The following TPTE2 variants were observed in gnomAD, a reference collection of about 807,000 sequenced individuals.
TPTE2 encodes the protein transmembrane phosphoinositide 3-phosphatase and tensin homolog 2, also known as phosphatidylinositol 3,4,5-trisphosphate 3-phosphatase TPTE2.
Under a neutral mutation model 78.6 loss-of-function variants are expected in TPTE2, and 53 were observed. The ratio of observed to expected loss-of-function variants is 0.67; its 90% CI spans 0.54 to 0.85. The LOEUF is 0.85. Among genes scored for constraint, TPTE2 ranks in the 40% least tolerant of loss-of-function variants. The pLI, the probability that TPTE2 is intolerant of heterozygous loss-of-function variation, is 0.00. For synonymous variants in TPTE2, 175 were observed against 206.2 expected (o/e 0.85, Z 1.30); for missense variants, 461 against 623.0 (o/e 0.74, Z 2.77).
intron 6 of TPTE2, among the ~76,000 whole-genome samples, chr13:19,468,705 A>G (rs1879436746): frequency 6.6e-6 from 1 of 152,178 alleles, no homozygotes; most frequent in Non-Finnish European, 1.5e-5. Flanking sequence ...GATATAAACC[A>G]TTTTAGCTGG....
At chr13:19,558,001 A>G in the TPTE2 span, among the ~76,000 whole-genome samples, 3 of 152,232 alleles carry the variant, frequency 2.0e-5, no homozygotes, top group African/African-American at 7.2e-5. Context: ...GTAAAATGTC[A>G]GATTTTTAAG....
chr13:19,468,154 C>T (rs941551510), intron 6 of TPTE2, among the ~76,000 whole-genome samples: 2 of 148,322 alleles, frequency 1.3e-5, no homozygotes, highest in Non-Finnish European at 3.0e-5. Context: ...GATTCTCCTG[C>T]CTCAGCCTCA....
intron 1 of TPTE2, among the ~76,000 whole-genome samples, chr13:19,519,974 C>T (rs1033398548): frequency 6.7e-6 from 1 of 149,094 alleles, no homozygotes; most frequent in Non-Finnish European, 1.5e-5. Flanking sequence ...TCTTACATTT[C>T]TTTTGTTTTG....
At chr13:19,490,554 A>T (rs1880933969) in intron 3 of TPTE2, among the ~76,000 whole-genome samples, 1 of 152,194 alleles carries the variant, frequency 6.6e-6, no homozygotes, top group Non-Finnish European at 1.5e-5. Context: ...GTTTCTGGCA[A>T]AATTTACATA....
rs201169059 is a variant in TPTE2 at position 19,467,251 on chromosome 13, G to A, written c.486C>T (p.Asp162=). The A allele has an allele frequency of 1.9e-6, 3 of 1,589,218 alleles. No individual in the cohort carries two copies. The Admixed American group carries it at 5.7e-5, about 30-fold the overall frequency. ...TGGGAATATTCCTAAGCAACTTAAT[G>A]TCAAAAAAAATGTAAATGACATCAA... The change falls in exon 7 of 20, where the codon GAC becomes GAT. Residue 162 remains aspartate (D), a synonymous_variant. Transcript: ENST00000400230.
chr13:19,499,243 G>C lies in TPTE2; in HGVS notation c.11+3981C>G, dbSNP rs564600320. Among the ~76,000 whole-genome samples the C allele has an allele frequency of 6.6e-5, 10 of 152,174 alleles. No individual in the cohort carries two copies. In the South Asian group the frequency reaches 2.1e-3, roughly 32 times the overall value. ...CTGTCAACATTAGACAGATCAACGA[G>C]ACAGAAAGTCAACAACGATACCCAG... On this transcript the variant is annotated intron_variant, in intron 1 of 19. Coordinates refer to ENST00000400230, the Ensembl canonical transcript of TPTE2.
chr13:19,503,147 T>C, intron 1 of TPTE2, 77 bp downstream of exon 4: 1 of 1,599,546 alleles, frequency 6.3e-7, no homozygotes, highest in Non-Finnish European at 8.6e-7. Context: ...ATATATTTGT[T>C]TATGTGCCTG....
chr13:19,465,153 T>A, intron 9 of TPTE2, 102 bp downstream of exon 12: 3 of 1,433,278 alleles, frequency 2.1e-6, no homozygotes, highest in Non-Finnish European at 2.9e-6. Flanking sequence ...TTCTCAAGAA[T>A]AAAGAATATT....
upstream of TPTE2, among the ~76,000 whole-genome samples, chr13:19,538,202 C>A (rs1378079935): frequency 6.6e-6 from 1 of 152,048 alleles, no homozygotes; most frequent in African/African-American, 2.4e-5. Context: ...TAAAGATATT[C>A]TCCTGTATTT....
chr13:19,464,775 G>T (rs1401201847), intron 9 of TPTE2, among the ~76,000 whole-genome samples: 1 of 152,208 alleles, frequency 6.6e-6, no homozygotes, highest in African/African-American at 2.4e-5. Context: ...GATGGCCTCA[G>T]TCTGAAGTTC....
chr13:19,528,387 CA>C (rs757445665), intron 1 of TPTE2, among the ~76,000 whole-genome samples: 9,084 of 108,960 alleles, frequency 0.083, 458 homozygotes, highest in African/African-American at 0.18. Flanking sequence ...AACTCCATCT[CA>C]AAAAAAAAAA....
intron 13 of TPTE2, among the ~76,000 whole-genome samples, chr13:19,444,384 A>C (rs1202021983): frequency 6.6e-6 from 1 of 150,626 alleles, no homozygotes; most frequent in Admixed American, 6.6e-5. Context: ...GCTAATTGCA[A>C]GATTAATAAA....
intron 10 of TPTE2, among the ~76,000 whole-genome samples, chr13:19,456,442 A>G (rs1437820446): frequency 2.6e-5 from 4 of 152,226 alleles, no homozygotes; most frequent in African/African-American, 9.6e-5. Flanking sequence ...GTGGTGACAG[A>G]GCAAGGCCCT....
chr13:19,470,414 T>C (rs1178978192), intron 6 of TPTE2, among the ~76,000 whole-genome samples: 1 of 152,242 alleles, frequency 6.6e-6, no homozygotes, highest in Admixed American at 6.5e-5. Flanking sequence ...CCATATATTG[T>C]TGAATTCAGT....
chr13:19,475,288 C>T (rs181564926), intron 5 of TPTE2, among the ~76,000 whole-genome samples: 75 of 151,496 alleles, frequency 5.0e-4, no homozygotes, highest in Admixed American at 1.4e-3. Flanking sequence ...TGCAATGGTG[C>T]AATTTCAGCT....
At position 19,535,754 on chromosome 13, in the gene TPTE2, C is replaced by G. The variant is rs7992945; in HGVS notation, c.-44+842G>C. 0.74 allele frequency among the ~76,000 whole-genome samples: 112,296 copies of G among 151,912 alleles called. 44,078 individuals carry two copies. The highest frequency in any genetic ancestry group is 0.96 in the East Asian group (4,974 of 5,162). ...TCAAGTGATTCTCCTGCCTCAGCCT[C>G]CCAAGTAGCTGGGACTACATACAGG... On this transcript the variant is annotated intron_variant, in intron 1 of 17. Transcript: ENST00000390680. The surrounding 1 kb of genome is among the most constrained non-coding windows in gnomAD (Gnocchi z 5.1).
intron 6 of TPTE2, among the ~76,000 whole-genome samples, chr13:19,467,917 C>A (rs1465673306): frequency 1.3e-5 from 2 of 149,766 alleles, no homozygotes; most frequent in Non-Finnish European, 3.0e-5. Context: ...TTTAGAGCCC[C>A]ATAATAAGTG....
the TPTE2 span, among the ~76,000 whole-genome samples, chr13:19,557,527 G>A: frequency 2.0e-5 from 3 of 152,298 alleles, no homozygotes; most frequent in Non-Finnish European, 4.4e-5. Context: ...GCTTAGAGAC[G>A]GGAGGCAGGG....
At chr13:19,462,754 A>G (rs931121057) in intron 10 of TPTE2, among the ~76,000 whole-genome samples, 5 of 151,952 alleles carry the variant, frequency 3.3e-5, no homozygotes, top group African/African-American at 1.2e-4. Flanking sequence ...CATGTTGGCC[A>G]TGCTCGCCTT....
Sources: allele counts gnomAD v4.1 joint callset (sites outside exome capture counted in the v4.1 genomes callset), GRCh38; gene constraint gnomAD v4.1.1; non-coding constraint Gnocchi (gnomAD v3.1); transcripts MANE v1.5; gene names NCBI Gene and HGNC (gene_info 2026-07-23, HGNC 2026-07-21).